The following CALN1 variants were observed in gnomAD, a reference collection of about 807,000 sequenced individuals.
The protein encoded by CALN1 is calneuron 1.
Under a neutral mutation model 30.6 loss-of-function variants are expected in CALN1, and 17 were observed. The ratio of observed to expected loss-of-function variants is 0.56; its 90% CI spans 0.38 to 0.83. CALN1 has a LOEUF of 0.83. Among genes scored for constraint, CALN1 ranks in the 40% least tolerant of loss-of-function variants. The pLI is 0.00. For missense variants in CALN1, 291 were observed against 354.9 expected (o/e 0.82, Z 1.45); for synonymous variants, 156 against 131.4 (o/e 1.19, Z -1.28).
chr7:72,083,764 C>G (rs1435474832), intron 4 of CALN1, among the ~76,000 whole-genome samples: 2 of 151,912 alleles, frequency 1.3e-5, no homozygotes, highest in Non-Finnish European at 2.9e-5. Context: ...ACTAAAAATA[C>G]AAAAATTAGC....
At chr7:72,484,861 T>C in the CALN1 span, among the ~76,000 whole-genome samples, 1 of 152,222 alleles carries the variant, frequency 6.6e-6, no homozygotes, top group East Asian at 1.9e-4. Context: ...TCTTCTCTGA[T>C]ATCCAGCGTT....
chr7:72,226,399 G>A (rs908381044), intron 3 of CALN1, among the ~76,000 whole-genome samples: 3 of 151,574 alleles, frequency 2.0e-5, no homozygotes, highest in Admixed American at 6.6e-5. Context: ...GCATAGTCTA[G>A]CCCATAGGAG....
upstream of CALN1, among the ~76,000 whole-genome samples, chr7:72,450,774 G>A (rs1397352294): frequency 1.3e-5 from 2 of 152,124 alleles, no homozygotes; most frequent in Non-Finnish European, 1.5e-5. Context: ...CAGCTACTCG[G>A]GAGGCTGAGG....
chr7:72,271,362 T>A (rs1562820810), intron 3 of CALN1, among the ~76,000 whole-genome samples: 1 of 151,104 alleles, frequency 6.6e-6, no homozygotes, highest in Non-Finnish European at 1.5e-5. Context: ...AAATTTCACA[T>A]CTATAGAGGT....
chr7:72,157,288 T>C (rs980557357), intron 3 of CALN1, among the ~76,000 whole-genome samples: 1 of 152,158 alleles, frequency 6.6e-6, no homozygotes, highest in African/African-American at 2.4e-5. Context: ...TCCTCAAAAA[T>C]TCCTGATCTA....
chr7:72,498,888 CT>C, the CALN1 span, among the ~76,000 whole-genome samples: 2 of 151,820 alleles, frequency 1.3e-5, no homozygotes, highest in Admixed American at 1.3e-4. Flanking sequence ...TATTCATATA[CT>C]TATTTTGCAA....
intron 2 of CALN1, among the ~76,000 whole-genome samples, chr7:72,387,294 GAGGGAGGGAGGGAGGC>G (rs1805284386): frequency 8.7e-6 from 1 of 114,812 alleles, no homozygotes; most frequent in African/African-American, 3.4e-5. Flanking sequence ...GGGAGGGAGG[GAGGGAGGGAGGGAGGC>G]AGGCATCTCC....
intron 1 of CALN1, among the ~76,000 whole-genome samples, chr7:72,425,413 C>T (rs1807770532): frequency 6.6e-6 from 1 of 152,206 alleles, no homozygotes; most frequent in African/African-American, 2.4e-5. Context: ...CACGCTCGGC[C>T]TCCTGCCCAG....
chr7:72,492,501 T>C, the CALN1 span, among the ~76,000 whole-genome samples: 2 of 151,454 alleles, frequency 1.3e-5, no homozygotes, highest in African/African-American at 4.9e-5. Flanking sequence ...AACGCAGATC[T>C]TGCATGCAAG....
chr7:72,065,911 GA>G (rs1272690839), intron 4 of CALN1, among the ~76,000 whole-genome samples: 1 of 151,224 alleles, frequency 6.6e-6, no homozygotes, highest in African/African-American at 2.5e-5. Context: ...GAAAAGAAAA[GA>G]AAAAAAGAAA....
intron 3 of CALN1, among the ~76,000 whole-genome samples, chr7:72,255,390 T>C (rs1385265986): frequency 1.8e-5 from 2 of 113,136 alleles, no homozygotes; most frequent in Non-Finnish European, 4.0e-5. Context: ...ACCCAGCCTT[T>C]TTTCTTTTCT....
intron 2 of CALN1, among the ~76,000 whole-genome samples, chr7:72,378,511 T>A (rs1804697325): frequency 6.6e-6 from 1 of 152,230 alleles, no homozygotes; most frequent in Admixed American, 6.5e-5. Context: ...GTTCCCAATC[T>A]GCCACTTTCA....
chr7:72,475,438 G>A, the CALN1 span, among the ~76,000 whole-genome samples: 3 of 152,086 alleles, frequency 2.0e-5, no homozygotes, highest in East Asian at 1.9e-4. Flanking sequence ...CGGCCTGGGC[G>A]ACAGAGTGAG....
intron 3 of CALN1, among the ~76,000 whole-genome samples, chr7:72,206,820 T>C (rs1453692185): frequency 2.6e-5 from 4 of 152,222 alleles, no homozygotes; most frequent in Non-Finnish European, 5.9e-5. Context: ...ATTCAGCCTT[T>C]AATAAGAATG....
chr7:71,782,645 G>A lies in CALN1; in HGVS notation c.*5130C>T, dbSNP rs1792780842. The A allele has an allele frequency of 6.6e-6, 1 of 152,194 alleles. No individual in the cohort carries two copies. The highest frequency in any genetic ancestry group is 1.5e-5 in the Non-Finnish European group (1 of 68,046). 9.4% of individuals were successfully genotyped at this position (152,194 alleles called of 1,614,324 possible). On this transcript the variant is annotated 3_prime_UTR_variant, in exon 7 of 7. Transcript: ENST00000395275. ...CAGTTGTGACACTCAAATTATCATG[G>A]AGACTGGGTCGGTAAGAGGCAGCCC...
At chr7:71,994,525 A>C (rs1290895769) in intron 5 of CALN1, among the ~76,000 whole-genome samples, 1 of 151,650 alleles carries the variant, frequency 6.6e-6, no homozygotes, top group South Asian at 2.1e-4. Flanking sequence ...AAAAAAAAAA[A>C]AAAAAAAACA....
At chr7:72,286,913 A>C (rs1358507455) in intron 2 of CALN1, among the ~76,000 whole-genome samples, 2 of 152,240 alleles carry the variant, frequency 1.3e-5, no homozygotes, top group African/African-American at 4.8e-5. Context: ...CAAATTCATA[A>C]AGAAATATCA....
chr7:72,297,706 G>A (rs1255085528), intron 2 of CALN1, among the ~76,000 whole-genome samples: 2 of 152,182 alleles, frequency 1.3e-5, no homozygotes, highest in Non-Finnish European at 2.9e-5. Flanking sequence ...CTCCGTAAGA[G>A]ACACAGATCC....
intron 4 of CALN1, among the ~76,000 whole-genome samples, chr7:72,062,678 CAT>C (rs57118270): frequency 0.014 from 2,132 of 152,126 alleles, 43 homozygotes; most frequent in African/African-American, 0.046. Context: ...AACATTGTCT[CAT>C]GTGGTTTTCA....
Sources: allele counts gnomAD v4.1 joint callset (sites outside exome capture counted in the v4.1 genomes callset), GRCh38; gene constraint gnomAD v4.1.1; transcripts MANE v1.5; gene names NCBI Gene and HGNC (gene_info 2026-07-23, HGNC 2026-07-21).